The following TMEM67 variants were observed in gnomAD, a reference collection of about 807,000 sequenced individuals.
TMEM67 encodes the protein transmembrane protein 67, also known as meckelin.
In TMEM67, 124 loss-of-function variants were observed where a neutral mutation model predicts 136.6. The observed-to-expected ratio is 0.91, with a 90% CI of 0.78 to 1.05. The LOEUF is 1.05. TMEM67 is among the 50% of genes least tolerant of loss of function. TMEM67 has a pLI of 0.00. For missense variants in TMEM67, 1,107 were observed against 1,178.4 expected, an observed-to-expected ratio of 0.94 and a Z score of 0.89; for synonymous variants, 364 against 390.5, an observed-to-expected ratio of 0.93 and a Z score of 0.80.
At chr8:93,809,714 G>C in intron 25 of TMEM67, 71 bp from the exon 26 acceptor site, 1 of 908,222 alleles carries the variant, frequency 1.1e-6, no homozygotes, top group Non-Finnish European at 1.8e-6. Context: ...CTCTCCTGCT[G>C]ATTTTACATT....
chr8:93,765,010 G>A (rs998880178), intron 4 of TMEM67, among the ~76,000 whole-genome samples: 3 of 152,058 alleles, frequency 2.0e-5, no homozygotes, highest in African/African-American at 7.2e-5. Context: ...ATTTCTCTTC[G>A]GGTTATGCTA....
In TMEM67 at chr8:93,783,496, T is replaced by G. The variant is rs3097426; in HGVS notation, c.1131+1036T>G. Among the ~76,000 whole-genome samples the G allele has an allele frequency of 8.8e-4, 134 of 152,362 alleles. 2 individuals are homozygous for G. In the East Asian group the frequency reaches 0.025, roughly 28 times the overall value. On this transcript the variant is annotated intron_variant, in intron 11 of 27. Transcript: ENST00000453321. ...AATTCCTTCATCTTCTTCCATTCTT[T>G]TCTTTCTCCTTCCTTCTCTGACTTT... is the stretch of plus-strand genomic sequence containing the variant.
chr8:93,808,803 T>G (rs774724636), intron 23 of TMEM67, 37 bp from the exon 24 acceptor site: 7 of 1,363,820 alleles, frequency 5.1e-6, no homozygotes, highest in Non-Finnish European at 7.3e-6. Flanking sequence ...AAATTTTTTA[T>G]AATTTTGATC....
chr8:93,786,226 G>A lies in TMEM67; in HGVS notation c.1292G>A (p.Ser431Asn). 1 of 1,613,742 alleles carries A rather than the reference G, an allele frequency of 6.2e-7. No homozygotes were observed. Among genetic ancestry groups the A allele is most frequent in the South Asian group, 1.1e-5 (1 of 91,026 alleles). The change falls in exon 13 of 28, where the codon AGC becomes AAC. Residue 431 changes from serine to asparagine, a missense_variant. Physicochemically the swap from Ser to Asn is conservative, Grantham distance 46. This residue lies in a region of TMEM67 where 925 missense variants were observed against 1,002.4 expected (regional missense o/e 0.92). Coordinates refer to ENST00000453321, the MANE Select transcript of TMEM67 (RefSeq NM_153704.6). ...TTTTTTCTTTTTATAATAAAAGACAGCAACTCTGGAAAGTGGCTTCTAACT... is the reference window on the plus strand; with the variant it reads ...TTTTTTCTTTTTATAATAAAAGACAACAACTCTGGAAAGTGGCTTCTAACT... ...QHNKIFVNQD[S>N]NSGKWLLTRR... is the part of the protein sequence containing the mutation.
Position 93,799,659 on chromosome 8 carries a change from T to C in TMEM67, c.2142T>C (p.Ser714=), listed in dbSNP as rs1814779643. The C allele has an allele frequency of 6.2e-7, 1 of 1,613,810 alleles. No individual in the cohort carries two copies. The highest frequency in any genetic ancestry group is 1.7e-5 in the Admixed American group (1 of 59,998). ...ACTTAGCATTAATGGACTCATCTTC[T>C]AGTCTTTCTAGAAACCCACCTAGCT... ...FKNLALMDSS[S]SLSRNPPSYI... Residue 714 remains serine, a synonymous_variant, in exon 21 of 28, where the codon TCT becomes TCC. Transcript: ENST00000453321.
At chr8:93,781,009 A>G (rs1322907986) in intron 9 of TMEM67, 27 bp downstream of exon 9, 21 of 1,300,710 alleles carry the variant, frequency 1.6e-5, no homozygotes, top group Non-Finnish European at 2.2e-5. Flanking sequence ...TCATTAGAGG[A>G]TAACTACATT....
At chr8:93,830,854 A>G in the TMEM67 span, among the ~76,000 whole-genome samples, 2 of 152,256 alleles carry the variant, frequency 1.3e-5, no homozygotes, top group Non-Finnish European at 2.9e-5. Context: ...ATCATCATGC[A>G]CAAAAGCATT....
chr8:93,806,937 T>C (rs566307369), intron 23 of TMEM67, among the ~76,000 whole-genome samples: 1 of 151,634 alleles, frequency 6.6e-6, no homozygotes, highest in East Asian at 1.9e-4. Flanking sequence ...TTTTAACAAA[T>C]ATGACAAAGA....
intron 21 of TMEM67, 89 bp from the exon 22 acceptor site, chr8:93,803,514 AC>A: frequency 1.2e-6 from 1 of 835,066 alleles, no homozygotes; most frequent in Admixed American, 2.0e-5. Context: ...TTTGGTTGGA[AC>A]TTTTTTTTCT....
chr8:93,765,383 A>G, intron 4 of TMEM67, 23 bp from the exon 5 acceptor site: 1 of 1,591,480 alleles, frequency 6.3e-7, no homozygotes, highest in Non-Finnish European at 8.6e-7. Context: ...CATTTTTAAA[A>G]TTATTTTTGT....
intron 18 of TMEM67, among the ~76,000 whole-genome samples, chr8:93,796,681 G>A (rs903899620): frequency 5.9e-5 from 9 of 152,034 alleles, no homozygotes; most frequent in African/African-American, 2.2e-4. Flanking sequence ...TCAGAAATCT[G>A]AATAGCAGAA....
chr8:93,811,531 C>G (rs1808699148), intron 26 of TMEM67, among the ~76,000 whole-genome samples: 1 of 151,572 alleles, frequency 6.6e-6, no homozygotes, highest in African/African-American at 2.4e-5. Context: ...CTGTTGTTTC[C>G]AAAAAAAATT....
chr8:93,776,022 A>G (rs1258709754), intron 7 of TMEM67, among the ~76,000 whole-genome samples: 1 of 151,942 alleles, frequency 6.6e-6, no homozygotes, highest in Non-Finnish European at 1.5e-5. Context: ...GTCCTCCTTT[A>G]TTTCATTGAG....
At chr8:93,823,284 G>T (rs1328773826), downstream of TMEM67, among the ~76,000 whole-genome samples, 1 of 152,128 alleles carries the variant, frequency 6.6e-6, no homozygotes. Flanking sequence ...ATTACATTGG[G>T]CCCACTGGAT....
intron 21 of TMEM67, among the ~76,000 whole-genome samples, chr8:93,802,485 C>A (rs1240669670): frequency 6.6e-6 from 1 of 152,204 alleles, no homozygotes; most frequent in East Asian, 1.9e-4. Flanking sequence ...TAACTTCATT[C>A]TTTGCTTCTC....
chr8:93,794,442 C>T (rs913648265), intron 16 of TMEM67, among the ~76,000 whole-genome samples: 2 of 152,124 alleles, frequency 1.3e-5, no homozygotes, highest in Non-Finnish European at 2.9e-5. Flanking sequence ...CGCACAGTAG[C>T]TCTTTGAAGT....
At chr8:93,762,949 G>T in intron 3 of TMEM67, 1 of 398,244 alleles carries the variant, frequency 2.5e-6, no homozygotes, top group Middle Eastern at 3.5e-4. Flanking sequence ...TTTTGAAACA[G>T]GGTCTCACTC....
chr8:93,808,506 G>T (rs60900552), intron 23 of TMEM67, among the ~76,000 whole-genome samples: 405 of 14,510 alleles, frequency 0.028, no homozygotes, highest in Middle Eastern at 0.083. Flanking sequence ...TATTATAGAT[G>T]AATATATATA....
chr8:93,779,338 C>G (rs1813703557), intron 7 of TMEM67, among the ~76,000 whole-genome samples: 1 of 152,282 alleles, frequency 6.6e-6, no homozygotes, highest in South Asian at 2.1e-4. Flanking sequence ...TATTACCGAC[C>G]TTCTGAAGCG....
Sources: gnomAD v4.1 joint callset for allele counts (sites outside exome capture counted in the v4.1 genomes callset) on GRCh38, gnomAD v4.1.1 for gene constraint, gnomAD v4.1.1 regional missense constraint, MANE v1.5 for transcripts, NCBI Gene and HGNC (gene_info 2026-07-23, HGNC 2026-07-21) for gene names.